Variants in LOXHD1 observed in about 807,000 individuals in gnomAD.
The protein encoded by LOXHD1 is lipoxygenase homology PLAT domains 1.
Under a neutral mutation model 248.2 loss-of-function variants are expected in LOXHD1, and 205 were observed. The observed-to-expected ratio is 0.83, with a 90% CI of 0.74 to 0.93. The LOEUF (loss-of-function observed/expected upper bound fraction) is 0.93, where lower values mean the gene tolerates loss of function less well. LOXHD1 is among the 40% of genes least tolerant of loss of function. The pLI is 0.00. For synonymous variants in LOXHD1, 1,113 were observed against 1,162.8 expected (o/e 0.96, Z 0.87); for missense variants, 2,930 against 2,971.6 (o/e 0.99, Z 0.33).
chr18:46,554,582 C>A (rs2037242351), intron 21 of LOXHD1, among the ~76,000 whole-genome samples: 4 of 151,942 alleles, frequency 2.6e-5, no homozygotes, highest in East Asian at 1.9e-4. Flanking sequence ...AGAGCCCTGG[C>A]AGACTGCTAC....
intron 37 of LOXHD1, among the ~76,000 whole-genome samples, chr18:46,493,200 T>G (rs1200293976): frequency 6.6e-6 from 1 of 152,242 alleles, no homozygotes; most frequent in Non-Finnish European, 1.5e-5. Flanking sequence ...CCATTCTGTC[T>G]GTTTGGAACT....
rs527640597 is a variant in LOXHD1 at position 46,568,482 on chromosome 18, GACC to G, written c.2244+957_2244+959del. On this transcript the variant is annotated intron_variant, in intron 16 of 40. Coordinates refer to ENST00000642948, the MANE Select transcript of LOXHD1 (RefSeq NM_001384474.1). ...CAGCTCAAGGCCACATCCCTAGAGTGACCCTAATCCCCCTTACTGTGCTTGCCT... is the reference window on the plus strand; with the variant it reads ...CAGCTCAAGGCCACATCCCTAGAGTGCTAATCCCCCTTACTGTGCTTGCCT... Among the ~76,000 whole-genome samples the G allele has an allele frequency of 3.8e-3, 574 of 152,288 alleles. 3 individuals carry two copies. Among genetic ancestry groups the G allele is most frequent in the Middle Eastern group, 0.024 (7 of 294 alleles).
chr18:46,577,586 A>T, intron 14 of LOXHD1, 121 bp downstream of exon 14: 1 of 1,165,078 alleles, frequency 8.6e-7, no homozygotes, highest in Non-Finnish European at 1.2e-6. Flanking sequence ...TCTTTCTTGC[A>T]CCAGCTATAG....
chr18:46,641,180 A>G (rs1450155152), intron 3 of LOXHD1, among the ~76,000 whole-genome samples: 2 of 152,132 alleles, frequency 1.3e-5, no homozygotes, highest in Non-Finnish European at 2.9e-5. Context: ...TTTCCCCAGC[A>G]AAGAGAGTTC....
chr18:46,594,230 A>G, intron 9 of LOXHD1, 101 bp downstream of exon 9: 1 of 1,420,384 alleles, frequency 7.0e-7, no homozygotes, highest in South Asian at 1.3e-5. Flanking sequence ...CTTGAGAAGC[A>G]GGAGTGGACT....
chr18:46,606,120 C>A (rs1477247463), intron 6 of LOXHD1, among the ~76,000 whole-genome samples: 3 of 152,016 alleles, frequency 2.0e-5, no homozygotes, highest in Non-Finnish European at 4.4e-5. Flanking sequence ...AATGAAAAGG[C>A]AATCAGATGA....
intron 37 of LOXHD1, among the ~76,000 whole-genome samples, chr18:46,496,231 T>C: frequency 6.6e-6 from 1 of 152,238 alleles, no homozygotes; most frequent in Non-Finnish European, 1.5e-5. Context: ...AATTCATAAT[T>C]CTTGAACTTG....
intron 3 of LOXHD1, among the ~76,000 whole-genome samples, chr18:46,640,491 C>T (rs1338067575): frequency 7.2e-5 from 11 of 152,196 alleles, no homozygotes; most frequent in African/African-American, 2.7e-4. Flanking sequence ...ATGTGAGCCA[C>T]AGATGCAATT....
At chr18:46,514,195 T>C (rs1052226849) in intron 34 of LOXHD1, among the ~76,000 whole-genome samples, 1 of 152,208 alleles carries the variant, frequency 6.6e-6, no homozygotes, top group Non-Finnish European at 1.5e-5. Flanking sequence ...TGATCAGACC[T>C]AGTACATATC....
intron 38 of LOXHD1, among the ~76,000 whole-genome samples, chr18:46,488,397 T>C (rs2143614183): frequency 6.6e-6 from 1 of 152,312 alleles, no homozygotes; most frequent in South Asian, 2.1e-4. Flanking sequence ...ATAACTAAGA[T>C]TGGAAAAATC....
At chr18:46,593,161 A>G (rs1364979685) in intron 10 of LOXHD1, among the ~76,000 whole-genome samples, 1 of 152,018 alleles carries the variant, frequency 6.6e-6, no homozygotes, top group Non-Finnish European at 1.5e-5. Context: ...TCTTTGCTCT[A>G]GTTTTATGCA....
In LOXHD1 at chr18:46,509,809, C is replaced by T. The variant is rs1366932095; in HGVS notation, c.5406G>A (p.Glu1802=). 2 of 1,537,878 alleles carry T rather than the reference C, an allele frequency of 1.3e-6. No homozygotes were observed. The highest frequency in any genetic ancestry group is 8.8e-7 in the Non-Finnish European group (1 of 1,138,664). Residue 1802 remains glutamate, a synonymous_variant, in exon 35 of 41, where the codon GAG becomes GAA. Transcript: ENST00000642948. ...MQLDKKKARF[E]REQNDTFIME... ...TGATGAAGGTGTCGTTCTGCTCCCG[C>T]TCAAACCTGGGGGTGGAGAGGAGGG...
chr18:46,556,244 G>C (rs1279432464), intron 21 of LOXHD1, among the ~76,000 whole-genome samples: 5 of 151,864 alleles, frequency 3.3e-5, no homozygotes, highest in Non-Finnish European at 5.9e-5. Flanking sequence ...TTTACTATCT[G>C]GTCTTTACAC....
chr18:46,531,368 G>A (rs1453488382), intron 28 of LOXHD1, among the ~76,000 whole-genome samples: 1 of 152,134 alleles, frequency 6.6e-6, no homozygotes, highest in Non-Finnish European at 1.5e-5. Flanking sequence ...GTGACATTAG[G>A]AAACTTGTCA....
chr18:46,546,308 T>TACTCCACTCC, intron 22 of LOXHD1, among the ~76,000 whole-genome samples: 1 of 151,454 alleles, frequency 6.6e-6, no homozygotes, highest in South Asian at 2.1e-4. Flanking sequence ...CATTCCATTC[T>TACTCCACTCC]ACTCCACTCC....
chr18:46,555,006 A>T, intron 21 of LOXHD1: 1 of 350,254 alleles, frequency 2.9e-6, no homozygotes. Flanking sequence ...TAATATTTTT[A>T]AAGAATAATG....
intron 4 of LOXHD1, among the ~76,000 whole-genome samples, chr18:46,621,667 C>T (rs960108733): frequency 1.3e-5 from 2 of 152,034 alleles, no homozygotes; most frequent in African/African-American, 2.4e-5. Context: ...GAGAACAAAA[C>T]GCCCACATAT....
chr18:46,583,586 A>C (rs2038002368), intron 12 of LOXHD1, among the ~76,000 whole-genome samples: 1 of 152,136 alleles, frequency 6.6e-6, no homozygotes, highest in South Asian at 2.1e-4. Context: ...AGATGAAAAA[A>C]AAAGTTCAAC....
intron 4 of LOXHD1, among the ~76,000 whole-genome samples, chr18:46,637,313 CA>C (rs1199450189): frequency 6.6e-6 from 1 of 152,172 alleles, no homozygotes; most frequent in Non-Finnish European, 1.5e-5. Context: ...AAGACTAGGT[CA>C]GGGGGTGTCT....
Sources: gnomAD v4.1 joint callset for allele counts (sites outside exome capture counted in the v4.1 genomes callset) on GRCh38, gnomAD v4.1.1 for gene constraint, MANE v1.5 for transcripts, NCBI Gene and HGNC (gene_info 2026-07-23, HGNC 2026-07-21) for gene names.